The following FBP1 variants were observed in gnomAD, a reference collection of about 807,000 sequenced individuals.
FBP1 encodes fructose-bisphosphatase 1.
A neutral mutation model predicts 29.9 loss-of-function variants in FBP1; 22 were observed. The ratio of observed to expected loss-of-function variants is 0.74; its 90% CI spans 0.53 to 1.05. The LOEUF is 1.05. Among genes scored for constraint, FBP1 ranks in the 50% least tolerant of loss-of-function variants. The probability of loss-of-function intolerance (pLI) is 0.00; values close to 1 mark genes in which losing one functional copy is unlikely to be tolerated. For missense variants in FBP1, 345 were observed against 448.2 expected, an observed-to-expected ratio of 0.77 and a Z score of 2.08; for synonymous variants, 175 against 178.6, an observed-to-expected ratio of 0.98 and a Z score of 0.16.
intron 1 of FBP1, among the ~76,000 whole-genome samples, chr9:94,631,155 A>G (rs1297265449): frequency 6.6e-6 from 1 of 152,224 alleles, no homozygotes; most frequent in African/African-American, 2.4e-5. Flanking sequence ...CAGCCCAAGT[A>G]AAGTGGAAAA....
At chr9:94,614,696 G>A (rs1827837162) in intron 3 of FBP1, among the ~76,000 whole-genome samples, 1 of 152,088 alleles carries the variant, frequency 6.6e-6, no homozygotes, top group East Asian at 1.9e-4. Flanking sequence ...TGCCCCACTG[G>A]GCGTGGGCAC....
At chr9:94,621,850 A>G (rs1180099842) in intron 1 of FBP1, among the ~76,000 whole-genome samples, 1 of 152,126 alleles carries the variant, frequency 6.6e-6, no homozygotes, top group Non-Finnish European at 1.5e-5. Flanking sequence ...CAAGGGGTTT[A>G]TGGCTTTATA....
chr9:94,614,337 G>C (rs957734540), intron 3 of FBP1, among the ~76,000 whole-genome samples: 1 of 151,108 alleles, frequency 6.6e-6, no homozygotes, highest in African/African-American at 2.4e-5. Context: ...TCAGGAGATC[G>C]AGACCATCCT....
intron 1 of FBP1, among the ~76,000 whole-genome samples, chr9:94,626,007 C>T (rs1310734778): frequency 6.6e-6 from 1 of 152,218 alleles, no homozygotes; most frequent in Non-Finnish European, 1.5e-5. Context: ...AAATGGGCTC[C>T]ACCTGCTTCG....
intron 3 of FBP1, 33 bp from the exon 4 acceptor site, chr9:94,610,094 G>A: frequency 6.2e-7 from 1 of 1,606,784 alleles, no homozygotes. Flanking sequence ...GAATGTTTTT[G>A]TTTTGTTTTG....
At position 94,612,279 on chromosome 9, in the gene FBP1, G is replaced by A. The variant is rs533370600; in HGVS notation, c.427-2218C>T. ...TAACTCTCCTCTCCTCCCACTGCAG[G>A]CTTCAAGTAACCAGTTCTCTGCCAA... is the stretch of plus-strand genomic sequence containing the variant. On this transcript the variant is annotated intron_variant, in intron 3 of 6. Transcript: ENST00000375326. Among the ~76,000 whole-genome samples, 7 of 152,208 alleles carry A rather than the reference G, an allele frequency of 4.6e-5. No individual in the cohort carries two copies. In the East Asian group the frequency reaches 1.4e-3, roughly 29 times the overall value.
At chr9:94,605,017 T>G (rs2131471302) in intron 6 of FBP1, among the ~76,000 whole-genome samples, 1 of 152,306 alleles carries the variant, frequency 6.6e-6, no homozygotes, top group Non-Finnish European at 1.5e-5. Context: ...GGTATCGTTT[T>G]CCAAGTAGTG....
intron 1 of FBP1, among the ~76,000 whole-genome samples, chr9:94,625,765 A>G (rs1247335991): frequency 1.3e-5 from 2 of 152,070 alleles, no homozygotes; most frequent in Non-Finnish European, 2.9e-5. Flanking sequence ...CCTGCGCTCC[A>G]GCCTGGGCGA....
At chr9:94,636,347 A>C (rs1329039275) in intron 1 of FBP1, among the ~76,000 whole-genome samples, 1 of 152,024 alleles carries the variant, frequency 6.6e-6, no homozygotes, top group African/African-American at 2.4e-5. Flanking sequence ...GCATGGTGGC[A>C]CATGCCTGTA....
intron 1 of FBP1, among the ~76,000 whole-genome samples, chr9:94,629,768 C>G (rs1828076316): frequency 6.6e-6 from 1 of 152,240 alleles, no homozygotes; most frequent in Non-Finnish European, 1.5e-5. Context: ...ATGGCCCACT[C>G]TCTTCTAAGA....
intron 1 of FBP1, 145 bp downstream of exon 1, chr9:94,638,996 G>A: frequency 2.4e-6 from 2 of 849,988 alleles, no homozygotes; most frequent in Non-Finnish European, 3.8e-6. Context: ...GGGGCTACCA[G>A]ACAGAGAGCG....
intron 3 of FBP1, among the ~76,000 whole-genome samples, chr9:94,615,003 G>A (rs1318490589): frequency 6.6e-6 from 1 of 152,078 alleles, no homozygotes; most frequent in East Asian, 1.9e-4. Context: ...CCGCCTCCCA[G>A]GTTCACACCA....
intron 1 of FBP1, among the ~76,000 whole-genome samples, chr9:94,635,228 G>A (rs1011123166): frequency 3.3e-5 from 5 of 152,174 alleles, no homozygotes; most frequent in South Asian, 2.1e-4. Context: ...CTGAGATCCC[G>A]GCCACAGGCC....
chr9:94,624,554 G>C (rs1281686416), intron 1 of FBP1, among the ~76,000 whole-genome samples: 1 of 151,812 alleles, frequency 6.6e-6, no homozygotes. Context: ...TTGGGAAGCT[G>C]AGGCAGGAGA....
At chr9:94,608,800 A>ATC (rs1183077577) in intron 4 of FBP1, among the ~76,000 whole-genome samples, 1 of 152,182 alleles carries the variant, frequency 6.6e-6, no homozygotes, top group Non-Finnish European at 1.5e-5. Flanking sequence ...CCAGCAGCCT[A>ATC]TCTCGCACAG....
At chr9:94,629,004 C>T (rs1334013416) in intron 1 of FBP1, among the ~76,000 whole-genome samples, 2 of 152,146 alleles carry the variant, frequency 1.3e-5, no homozygotes, top group Non-Finnish European at 2.9e-5. Context: ...TGTTTTGAGA[C>T]AGAGTCTCGC....
Position 94,603,377 on chromosome 9 carries a change from G to T in FBP1, c.*4C>A, listed in dbSNP as rs374715941. 1.9e-6 allele frequency: 3 copies of T among 1,612,698 alleles called. No individual in the cohort carries two copies. The South Asian group carries it at 3.3e-5, about 18-fold the overall frequency. ...AATTCTCCGGATGCAGGCAGGGCAGGTGCTCACTGGGCAGAGTGCTTCTCA... is the reference window on the plus strand; with the variant it reads ...AATTCTCCGGATGCAGGCAGGGCAGTTGCTCACTGGGCAGAGTGCTTCTCA... On this transcript the variant is annotated 3_prime_UTR_variant, in exon 7 of 7. Coordinates refer to ENST00000375326, the MANE Select transcript of FBP1 (RefSeq NM_000507.4).
intron 3 of FBP1, among the ~76,000 whole-genome samples, chr9:94,615,183 C>G (rs566969884): frequency 6.6e-6 from 1 of 152,188 alleles, no homozygotes; most frequent in Non-Finnish European, 1.5e-5. Flanking sequence ...GCTGGGATTA[C>G]CGGGGTGAGC....
intron 4 of FBP1, 107 bp from the exon 5 acceptor site, chr9:94,607,059 G>A (rs1453551569): frequency 1.0e-5 from 15 of 1,462,274 alleles, no homozygotes; most frequent in African/African-American, 5.6e-5. Flanking sequence ...GGGTCGCGGC[G>A]CACGGGCACC....
Sources: allele counts gnomAD v4.1 joint callset (sites outside exome capture counted in the v4.1 genomes callset), GRCh38; gene constraint gnomAD v4.1.1; transcripts MANE v1.5; gene names NCBI Gene and HGNC (gene_info 2026-07-23, HGNC 2026-07-21).